Variants in GRM7 observed in about 807,000 individuals in gnomAD.
The protein encoded by GRM7 is glutamate metabotropic receptor 7.
In GRM7, 35 loss-of-function variants were observed where a neutral mutation model predicts 84.5. That is an observed-to-expected ratio of 0.41 (90% CI 0.32 to 0.55). The LOEUF (loss-of-function observed/expected upper bound fraction) is 0.55. Among genes scored for constraint, GRM7 ranks in the 20% least tolerant of loss-of-function variants. GRM7 has a pLI of 0.19. For synonymous variants in GRM7, 487 were observed against 455.1 expected (o/e 1.07, Z -0.89); for missense variants, 1,003 against 1,194.6 (o/e 0.84, Z 2.36).
At chr3:7,279,627 G>A (rs530598984) in intron 2 of GRM7, among the ~76,000 whole-genome samples, 1 of 152,290 alleles carries the variant, frequency 6.6e-6, no homozygotes, top group Non-Finnish European at 1.5e-5. Context: ...GCAGAGGCAA[G>A]ACACCAAACA....
intron 8 of GRM7, among the ~76,000 whole-genome samples, chr3:7,595,919 A>G (rs73809453): frequency 6.6e-6 from 1 of 152,090 alleles, no homozygotes; most frequent in Non-Finnish European, 1.5e-5. Flanking sequence ...ATGGGATGTC[A>G]TTGGATGATT....
At chr3:7,328,776 A>T (rs770940681) in intron 4 of GRM7, among the ~76,000 whole-genome samples, 1 of 149,162 alleles carries the variant, frequency 6.7e-6, no homozygotes, top group African/African-American at 2.5e-5. Context: ...AGCAAATTGC[A>T]CTATAAACCC....
chr3:7,579,538 C>T (rs1025271841), intron 8 of GRM7, among the ~76,000 whole-genome samples, 181 bp downstream of exon 8: 20 of 152,228 alleles, frequency 1.3e-4, no homozygotes, highest in South Asian at 8.3e-4. Context: ...AACTGAGCCA[C>T]GTTCATTCCA....
chr3:7,125,799 G>A (rs1395282341), intron 1 of GRM7, among the ~76,000 whole-genome samples: 1 of 152,088 alleles, frequency 6.6e-6, no homozygotes, highest in Non-Finnish European at 1.5e-5. Flanking sequence ...TGTCTTTTTT[G>A]TTCACATTTT....
chr3:7,446,871 G>C (rs1697538542), intron 5 of GRM7, among the ~76,000 whole-genome samples: 1 of 152,044 alleles, frequency 6.6e-6, no homozygotes, highest in Non-Finnish European at 1.5e-5. Context: ...TATTCTGAGG[G>C]AGCAGTATGC....
intron 1 of GRM7, among the ~76,000 whole-genome samples, chr3:6,969,572 G>A (rs1202500518): frequency 6.6e-6 from 1 of 152,174 alleles, no homozygotes; most frequent in African/African-American, 2.4e-5. Context: ...TCCAAAATCT[G>A]TGTTTCGTGA....
intron 7 of GRM7, among the ~76,000 whole-genome samples, chr3:7,574,984 G>A (rs1181885436): frequency 6.6e-6 from 1 of 152,072 alleles, no homozygotes; most frequent in Non-Finnish European, 1.5e-5. Context: ...TTCGTTCTTT[G>A]TTCCTCTTGT....
intron 2 of GRM7, among the ~76,000 whole-genome samples, chr3:7,289,878 G>A (rs1041649998): frequency 6.7e-5 from 10 of 150,358 alleles, no homozygotes; most frequent in Admixed American, 5.3e-4. Context: ...GGAGGGGAGA[G>A]GGATAGCATT....
chr3:7,107,781 C>A (rs1692705992), intron 1 of GRM7, among the ~76,000 whole-genome samples: 1 of 151,894 alleles, frequency 6.6e-6, no homozygotes. Flanking sequence ...TACCATGCTA[C>A]ATAAAGGTCA....
intron 1 of GRM7, among the ~76,000 whole-genome samples, chr3:7,055,432 G>A (rs1353232840): frequency 6.6e-6 from 1 of 151,008 alleles, no homozygotes; most frequent in African/African-American, 2.4e-5. Context: ...CCTCTCTTAT[G>A]AAAATCAAGA....
intron 1 of GRM7, among the ~76,000 whole-genome samples, chr3:6,896,749 T>C (rs1696197004): frequency 6.6e-6 from 1 of 152,182 alleles, no homozygotes. Context: ...AAGATTTTTT[T>C]TTCCTTCTTA....
chr3:7,493,517 A>G (rs1297876654), intron 7 of GRM7, among the ~76,000 whole-genome samples: 4 of 151,918 alleles, frequency 2.6e-5, no homozygotes, highest in Admixed American at 6.6e-5. Flanking sequence ...TAATGTTTAC[A>G]TGGTATATCT....
intron 7 of GRM7, among the ~76,000 whole-genome samples, chr3:7,517,787 A>G (rs757023760): frequency 5.6e-4 from 86 of 152,218 alleles, no homozygotes; most frequent in Non-Finnish European, 6.9e-4. Context: ...GTTCATCTTC[A>G]TAATGATTCA....
chr3:7,401,667 AC>A (rs1218711061), intron 4 of GRM7, among the ~76,000 whole-genome samples: 2 of 152,156 alleles, frequency 1.3e-5, no homozygotes, highest in Non-Finnish European at 2.9e-5. Context: ...GCCTCCAAAA[AC>A]TTTTTGAACT....
intron 1 of GRM7, among the ~76,000 whole-genome samples, chr3:6,957,820 A>C (rs570185011): frequency 1.4e-4 from 21 of 152,346 alleles, no homozygotes; most frequent in African/African-American, 4.8e-4. Context: ...TTTCTGGTCG[A>C]CTTGGAGTTG....
At chr3:7,472,611 G>T (rs575671751) in intron 7 of GRM7, among the ~76,000 whole-genome samples, 1 of 152,304 alleles carries the variant, frequency 6.6e-6, no homozygotes, top group East Asian at 1.9e-4. Context: ...GGTCCTTGCA[G>T]ATGGCATAGC....
At chr3:7,736,399 A>G (rs1024661876) in intron 9 of GRM7, among the ~76,000 whole-genome samples, 6 of 152,170 alleles carry the variant, frequency 3.9e-5, no homozygotes, top group Non-Finnish European at 2.9e-5. Context: ...AGCAGAGTCT[A>G]TCAATAGGAA....
rs141144658 is a variant in GRM7 at position 7,132,751 on chromosome 3, G to A, written c.520-13701G>A. ...ATCTGTGGTCTTTTACAATGAGAAT[G>A]TGCCCAAGGCTTGCTTGACGCTGAA... On this transcript the variant is annotated intron_variant, in intron 1 of 9. Transcript: ENST00000357716. Among the ~76,000 whole-genome samples, 403 of 152,280 alleles carry A rather than the reference G, an allele frequency of 2.6e-3. 2 individuals carry two copies. Among genetic ancestry groups the A allele is most frequent in the Non-Finnish European group, 4.3e-3 (295 of 68,024 alleles).
At chr3:7,568,100 T>C (rs1575502513) in intron 7 of GRM7, among the ~76,000 whole-genome samples, 1 of 152,206 alleles carries the variant, frequency 6.6e-6, no homozygotes, top group Non-Finnish European at 1.5e-5. Context: ...ACTTCCTTAA[T>C]TGCTGGTGGC....
Sources: allele counts gnomAD v4.1 joint callset (sites outside exome capture counted in the v4.1 genomes callset), GRCh38; gene constraint gnomAD v4.1.1; transcripts MANE v1.5; gene names NCBI Gene and HGNC (gene_info 2026-07-23, HGNC 2026-07-21).